Variants in UBAP1 observed in about 807,000 individuals in gnomAD.
UBAP1 encodes ubiquitin-associated protein 1.
Under a neutral mutation model 39.0 loss-of-function variants are expected in UBAP1, and 5 were observed. The ratio of observed to expected loss-of-function variants is 0.13; its 90% CI spans 0.07 to 0.27. UBAP1 has a LOEUF of 0.27. UBAP1 is among the 10% of genes least tolerant of loss of function. The pLI is 1.00. For synonymous variants in UBAP1, 211 were observed against 225.1 expected (o/e 0.94, Z 0.56); for missense variants, 490 against 608.1 (o/e 0.81, Z 2.04).
Position 34,241,620 on chromosome 9 carries a change from A to G in UBAP1, c.595A>G (p.Asn199Asp), listed in dbSNP as rs1302950152. 3 of 1,613,972 alleles carry G rather than the reference A, an allele frequency of 1.9e-6. No individual in the cohort carries two copies. The highest frequency in any genetic ancestry group is 2.5e-6 in the Non-Finnish European group (3 of 1,180,014). Residue 199 changes from asparagine to aspartate, a missense_variant, in exon 4 of 7, where the codon AAC (asparagine) becomes GAC (aspartate). Around this residue, in one of 3 missense-constraint regions of UBAP1, gnomAD observed 339 missense variants for 390.0 expected, o/e 0.87. Coordinates refer to ENST00000297661, the MANE Select transcript of UBAP1 (RefSeq NM_016525.5). ...GPIMAQLLDN[N>D]LPRGGSGSVL... ...CATTATGGCTCAGTTATTGGACAATAACTTGCCCAGGGGAGGCTCTGGGTC... is the reference window on the plus strand; with the variant it reads ...CATTATGGCTCAGTTATTGGACAATGACTTGCCCAGGGGAGGCTCTGGGTC...
chr9:34,210,858 G>A (rs577837753), intron 1 of UBAP1, among the ~76,000 whole-genome samples: 3 of 149,968 alleles, frequency 2.0e-5, no homozygotes, highest in Admixed American at 6.7e-5. Context: ...ACACATCGTT[G>A]CTGGTTTGAA....
chr9:34,182,631 C>CT (rs1422453336), intron 1 of UBAP1, among the ~76,000 whole-genome samples: 1 of 54,998 alleles, frequency 1.8e-5, no homozygotes, highest in Non-Finnish European at 4.6e-5. Context: ...TTCTTTCTTT[C>CT]TTTCTTTCTT....
chr9:34,208,677 C>T (rs1189345346), intron 1 of UBAP1, among the ~76,000 whole-genome samples: 1 of 151,214 alleles, frequency 6.6e-6, no homozygotes, highest in East Asian at 2.0e-4. Context: ...ACTTGGGAGG[C>T]TGAGGCAGGT....
At chr9:34,211,708 C>T (rs1587828728) in intron 1 of UBAP1, among the ~76,000 whole-genome samples, 1 of 152,142 alleles carries the variant, frequency 6.6e-6, no homozygotes, top group East Asian at 1.9e-4. Flanking sequence ...CTGCCTCCTT[C>T]AACTTTTCCT....
chr9:34,242,920 A>T (rs566421603), intron 4 of UBAP1, among the ~76,000 whole-genome samples: 1 of 152,330 alleles, frequency 6.6e-6, no homozygotes, highest in Non-Finnish European at 1.5e-5. Flanking sequence ...CAGAGACCAT[A>T]ACAAGCCTGC....
At chr9:34,197,705 A>G (rs773317422) in intron 1 of UBAP1, among the ~76,000 whole-genome samples, 7 of 152,058 alleles carry the variant, frequency 4.6e-5, no homozygotes, top group Non-Finnish European at 7.4e-5. Context: ...ATGTGCTACC[A>G]TGCCTGGCTA....
chr9:34,196,406 C>T (rs1831058745), intron 1 of UBAP1, among the ~76,000 whole-genome samples: 1 of 151,564 alleles, frequency 6.6e-6, no homozygotes, highest in African/African-American at 2.4e-5. Flanking sequence ...ACCTCTGCCT[C>T]CTGGGTTCAA....
At chr9:34,219,677 C>CCTCCCCGCCCCTCCTTTCCT (rs1248621983) in intron 1 of UBAP1, among the ~76,000 whole-genome samples, 2 of 134,082 alleles carry the variant, frequency 1.5e-5, no homozygotes, top group Non-Finnish European at 3.3e-5. Flanking sequence ...GTCTTGTCTC[C>CCTCCCCGCCCCTCCTTTCCT]CTCCCCTCCC....
chr9:34,186,513 TTCC>T (rs1830414085), intron 1 of UBAP1, among the ~76,000 whole-genome samples: 1 of 152,208 alleles, frequency 6.6e-6, no homozygotes, highest in Admixed American at 6.6e-5. Context: ...GCTGCTTCAC[TTCC>T]TCCTCAACAC....
chr9:34,239,833 A>T (rs542995095), intron 3 of UBAP1, among the ~76,000 whole-genome samples: 2 of 152,290 alleles, frequency 1.3e-5, no homozygotes, highest in South Asian at 4.1e-4. Flanking sequence ...GACATTATTT[A>T]TTATTATACT....
intron 4 of UBAP1, 62 bp downstream of exon 4, chr9:34,242,170 T>A: frequency 6.7e-7 from 1 of 1,489,674 alleles, no homozygotes; most frequent in Non-Finnish European, 9.0e-7. Context: ...TTATGTTTTT[T>A]CTTGTTGTTT....
At chr9:34,179,531 A>G (rs938820771) in intron 1 of UBAP1, among the ~76,000 whole-genome samples, 1 of 151,956 alleles carries the variant, frequency 6.6e-6, no homozygotes, top group Non-Finnish European at 1.5e-5. Context: ...GTAGACATCT[A>G]TCGGGCTGGA....
At chr9:34,224,281 TC>T in intron 2 of UBAP1, 2 of 472,552 alleles carry the variant, frequency 4.2e-6, no homozygotes. Flanking sequence ...CGTACCACTG[TC>T]CATACGGTGT....
intron 1 of UBAP1, among the ~76,000 whole-genome samples, chr9:34,186,894 G>A (rs1001557021): frequency 3.4e-4 from 52 of 150,940 alleles, no homozygotes; most frequent in Admixed American, 1.6e-3. Context: ...TGTGTTTTGT[G>A]TTTTTTTTTA....
At chr9:34,217,541 C>A (rs1201637944) in intron 1 of UBAP1, among the ~76,000 whole-genome samples, 1 of 151,424 alleles carries the variant, frequency 6.6e-6, no homozygotes, top group African/African-American at 2.4e-5. Flanking sequence ...TGGCTGGTGG[C>A]GGTGGTGGTT....
At chr9:34,224,206 C>G (rs1832919905) in intron 2 of UBAP1, 2 of 520,354 alleles carry the variant, frequency 3.8e-6, no homozygotes, top group East Asian at 6.4e-5. Context: ...TGTTTAAAAT[C>G]TCTTCTTCCT....
At chr9:34,207,961 A>T (rs1334459711) in intron 1 of UBAP1, among the ~76,000 whole-genome samples, 1 of 152,098 alleles carries the variant, frequency 6.6e-6, no homozygotes, top group Non-Finnish European at 1.5e-5. Flanking sequence ...ATAATAATGG[A>T]TATCTTTGTC....
At chr9:34,228,580 C>CT (rs1486311316) in intron 2 of UBAP1, among the ~76,000 whole-genome samples, 55 of 136,678 alleles carry the variant, frequency 4.0e-4, no homozygotes, top group South Asian at 9.1e-4. Flanking sequence ...CCCCCCCCCC[C>CT]TTTTTTTTTT....
intron 2 of UBAP1, among the ~76,000 whole-genome samples, chr9:34,232,002 G>T (rs1322518975): frequency 6.6e-6 from 1 of 152,036 alleles, no homozygotes; most frequent in Non-Finnish European, 1.5e-5. Context: ...ATACAAAGAG[G>T]TAAGTCCTAA....
Sources: gnomAD v4.1 joint callset for allele counts (sites outside exome capture counted in the v4.1 genomes callset) on GRCh38, gnomAD v4.1.1 for gene constraint, gnomAD v4.1.1 regional missense constraint, MANE v1.5 for transcripts, NCBI Gene and HGNC (gene_info 2026-07-23, HGNC 2026-07-21) for gene names.